EYS: variants seen among roughly 807,000 people sequenced by gnomAD.
EYS encodes EGF-like photoreceptor maintenance factor, also known as protein eyes shut homolog.
In EYS, 250 loss-of-function variants were observed where a neutral mutation model predicts 282.1. That is an observed-to-expected ratio of 0.89 (90% CI 0.80 to 0.98). The LOEUF is 0.98. Among genes scored for constraint, EYS ranks in the 50% least tolerant of loss-of-function variants. EYS has a pLI of 0.00. For synonymous variants in EYS, 1,355 were observed against 1,282.9 expected (o/e 1.06, Z -1.20); for missense variants, 4,016 against 3,709.0 (o/e 1.08, Z -2.15).
intron 14 of EYS, among the ~76,000 whole-genome samples, chr6:64,951,072 G>A (rs982471342): frequency 2.6e-5 from 4 of 151,614 alleles, no homozygotes; most frequent in South Asian, 2.1e-4. Flanking sequence ...GATTAGGTCC[G>A]TGAAGAGAAG....
intron 2 of EYS, among the ~76,000 whole-genome samples, chr6:65,637,587 G>T (rs1290450110): frequency 1.3e-5 from 2 of 152,198 alleles, no homozygotes. Context: ...ACTCTTGGGG[G>T]CCCAGGAAGC....
At chr6:64,969,623 C>T (rs974402615) in intron 14 of EYS, among the ~76,000 whole-genome samples, 1 of 151,996 alleles carries the variant, frequency 6.6e-6, no homozygotes. Flanking sequence ...TAGAAGAAGC[C>T]ACTTCTTTTG....
intron 33 of EYS, among the ~76,000 whole-genome samples, chr6:64,029,517 T>C (rs114323902): frequency 6.6e-6 from 1 of 152,140 alleles, no homozygotes; most frequent in East Asian, 1.9e-4. Flanking sequence ...GTTTCAAAAA[T>C]GCACGTGTGT....
rs1490088728 is a variant in EYS at position 64,694,923 on chromosome 6, C to T, written c.3444-68678G>A. Among the ~76,000 whole-genome samples the T allele has an allele frequency of 2.0e-5, 3 of 152,054 alleles. No individual in the cohort carries two copies. The East Asian group carries it at 5.8e-4, about 29-fold the overall frequency. On this transcript the variant is annotated intron_variant, in intron 22 of 42. Coordinates refer to ENST00000503581, the MANE Select transcript of EYS (RefSeq NM_001142800.2). The stretch of plus-strand genomic sequence containing the variant: ...CCAGTGTCAGGCTGTGGGAGAGAGC[C>T]CCACTGGGTCAGGAGCAGGAGAGTA...
Position 64,787,193 on chromosome 6 carries a change from G to A in EYS, c.3443+26185C>T, listed in dbSNP as rs116653908. On this transcript the variant is annotated intron_variant, in intron 22 of 42. Transcript: ENST00000503581. ...CTAGACTCCGTGTGCTCAGTAGTGCGTTCCTCATTGCCAGCTAGGCAATGA... is the reference window on the plus strand; with the variant it reads ...CTAGACTCCGTGTGCTCAGTAGTGCATTCCTCATTGCCAGCTAGGCAATGA... Among the ~76,000 whole-genome samples the A allele has an allele frequency of 2.7e-3, 416 of 152,214 alleles. 1 individual carries two copies. Among genetic ancestry groups the A allele is most frequent in the African/African-American group, 9.8e-3 (406 of 41,534 alleles).
intron 15 of EYS, among the ~76,000 whole-genome samples, chr6:64,917,120 G>A (rs1385892966): frequency 2.6e-5 from 4 of 152,232 alleles, no homozygotes; most frequent in East Asian, 1.9e-4. Context: ...GTGGCAGCAC[G>A]CGCCTGTAGC....
intron 2 of EYS, among the ~76,000 whole-genome samples, chr6:65,581,227 G>C (rs944626822): frequency 6.6e-6 from 1 of 151,888 alleles, no homozygotes; most frequent in African/African-American, 2.4e-5. Context: ...ATTAAATATA[G>C]AGGGGAAAAA....
chr6:64,056,832 A>G (rs1433763026), intron 33 of EYS, among the ~76,000 whole-genome samples: 1 of 152,198 alleles, frequency 6.6e-6, no homozygotes, highest in African/African-American at 2.4e-5. Context: ...TGTGAACATA[A>G]TGTCATCATG....
At chr6:64,001,155 C>A (rs1459403133) in intron 33 of EYS, among the ~76,000 whole-genome samples, 1 of 152,162 alleles carries the variant, frequency 6.6e-6, no homozygotes, top group East Asian at 1.9e-4. Flanking sequence ...ACCACTTAAC[C>A]TTTCTTCCCT....
chr6:63,918,598 A>G (rs953465077), intron 35 of EYS, among the ~76,000 whole-genome samples: 3 of 152,196 alleles, frequency 2.0e-5, no homozygotes, highest in Non-Finnish European at 4.4e-5. Context: ...ATGCAGTATC[A>G]GTAAAGAGTC....
chr6:65,581,167 G>T (rs1322395632), intron 2 of EYS, among the ~76,000 whole-genome samples: 2 of 151,850 alleles, frequency 1.3e-5, no homozygotes, highest in Non-Finnish European at 2.9e-5. Flanking sequence ...CTTTGCTGTG[G>T]GTCTAATCAG....
At chr6:64,240,846 G>A (rs1293395965) in intron 30 of EYS, among the ~76,000 whole-genome samples, 2 of 152,086 alleles carry the variant, frequency 1.3e-5, no homozygotes, top group Non-Finnish European at 2.9e-5. Context: ...CAGAAGGAAT[G>A]GTTCCATGTT....
At chr6:64,854,465 C>G (rs1435747784) in intron 19 of EYS, among the ~76,000 whole-genome samples, 1 of 151,704 alleles carries the variant, frequency 6.6e-6, no homozygotes, top group Non-Finnish European at 1.5e-5. Context: ...AGCTGGAAAC[C>G]ATTATTCTCA....
chr6:63,789,801 A>C (rs979863468), intron 37 of EYS, among the ~76,000 whole-genome samples: 11 of 152,222 alleles, frequency 7.2e-5, no homozygotes, highest in African/African-American at 2.7e-4. Flanking sequence ...CCATCCATGC[A>C]GTACAGTGAG....
intron 26 of EYS, among the ~76,000 whole-genome samples, chr6:64,506,586 T>C (rs1777212423): frequency 6.6e-6 from 1 of 152,142 alleles, no homozygotes; most frequent in Admixed American, 6.5e-5. Flanking sequence ...CAGTTCAAAG[T>C]AGCTTTACTT....
chr6:65,141,280 G>A (rs1437447320), intron 12 of EYS, among the ~76,000 whole-genome samples: 1 of 151,978 alleles, frequency 6.6e-6, no homozygotes, highest in East Asian at 1.9e-4. Context: ...CTCATAGGTG[G>A]GAATTGAACA....
chr6:64,345,893 A>G lies in EYS; in HGVS notation c.6079-38811T>C, dbSNP rs186673367. Among the ~76,000 whole-genome samples, 542 of 152,316 alleles carry G rather than the reference A, an allele frequency of 3.6e-3. 3 individuals are homozygous for G. Among genetic ancestry groups the G allele is most frequent in the Non-Finnish European group, 4.9e-3 (336 of 68,016 alleles). On this transcript the variant is annotated intron_variant, in intron 29 of 42. Coordinates refer to ENST00000503581, the MANE Select transcript of EYS (RefSeq NM_001142800.2). The stretch of plus-strand genomic sequence containing the variant: ...AACCCTATCAAAAAGTGGGCGAAGG[A>G]TATGAACAGACACTTCTCAAAAGAA...
chr6:65,476,362 C>G (rs1295877200), intron 5 of EYS, among the ~76,000 whole-genome samples: 1 of 152,116 alleles, frequency 6.6e-6, no homozygotes, highest in African/African-American at 2.4e-5. Flanking sequence ...AAAGGTATTA[C>G]ATTTTTCCCC....
chr6:64,084,451 T>C (rs1321110507), intron 31 of EYS, among the ~76,000 whole-genome samples: 1 of 152,184 alleles, frequency 6.6e-6, no homozygotes, highest in Non-Finnish European at 1.5e-5. Context: ...TTTTAAGAGC[T>C]GGAGTGAGAG....
Sources: allele counts gnomAD v4.1 joint callset (sites outside exome capture counted in the v4.1 genomes callset), GRCh38; gene constraint gnomAD v4.1.1; transcripts MANE v1.5; gene names NCBI Gene and HGNC (gene_info 2026-07-23, HGNC 2026-07-21).